The following NOXRED1 variants were observed in gnomAD, a reference collection of about 807,000 sequenced individuals.
NOXRED1 encodes NADP-dependent oxidoreductase domain-containing protein 1.
NOXRED1 carries 20 observed loss-of-function variants against 30.4 expected under a neutral mutation model. The ratio of observed to expected loss-of-function variants is 0.66; its 90% CI spans 0.46 to 0.96. The LOEUF is 0.96. Among genes scored for constraint, NOXRED1 ranks in the 40% least tolerant of loss-of-function variants. NOXRED1 has a pLI of 0.00. For missense variants in NOXRED1, 374 were observed against 428.0 expected (o/e 0.87, Z 1.11); for synonymous variants, 155 against 168.0 (o/e 0.92, Z 0.60).
rs142477258 is a variant in NOXRED1, at chr14:77,422,987, G to A, written c.-98C>T. ...ATGTAGGAGGTGTGTGTATGATGGT[G>A]TGTGTGCCCAGGTCACAAGCACTCA... On this transcript the variant is annotated 5_prime_UTR_variant, in exon 1 of 6. Transcript: ENST00000380835. The A allele has an allele frequency of 0.011, 11,152 of 980,786 alleles. 90 individuals carry two copies. The highest frequency in any genetic ancestry group is 0.034 in the Middle Eastern group (103 of 3,074). 60.8% of individuals were successfully genotyped at this position (980,786 alleles called of 1,614,324 possible). A position where few individuals can be genotyped will look rare whatever the true frequency, so the allele number is the denominator to read the frequency against.
intron 5 of NOXRED1, among the ~76,000 whole-genome samples, chr14:77,395,503 G>C (rs1566704432): frequency 6.6e-6 from 1 of 151,630 alleles, no homozygotes; most frequent in Non-Finnish European, 1.5e-5. Context: ...CTCTTTAGCT[G>C]TATAGATTAA....
chr14:77,404,960 T>G (rs1314705472), intron 5 of NOXRED1, among the ~76,000 whole-genome samples: 1 of 152,234 alleles, frequency 6.6e-6, no homozygotes, highest in Non-Finnish European at 1.5e-5. Context: ...CATATGCTGT[T>G]GGTAGAAATG....
intron 2 of NOXRED1, among the ~76,000 whole-genome samples, chr14:77,409,942 G>A (rs937153962): frequency 3.3e-5 from 5 of 151,632 alleles, no homozygotes; most frequent in African/African-American, 1.2e-4. Flanking sequence ...GCTGGGATTC[G>A]AAGGTATGTG....
chr14:77,424,548 G>A (rs1895076515), upstream of NOXRED1, among the ~76,000 whole-genome samples: 1 of 152,164 alleles, frequency 6.6e-6, no homozygotes, highest in African/African-American at 2.4e-5. Context: ...TCAAACCTAA[G>A]AAACATTTTC....
At position 77,396,863 on chromosome 14, in the gene NOXRED1, G is replaced by A. The variant is rs12101167; in HGVS notation, c.906-2058C>T. Among the ~76,000 whole-genome samples, 764 of 152,246 alleles carry A rather than the reference G, an allele frequency of 5.0e-3. 7 individuals are homozygous for A. Among genetic ancestry groups the A allele is most frequent in the African/African-American group, 0.017 (726 of 41,524 alleles). ...TTAAGATGTCAGTTTTCCAAAAATT[G>A]ATCTATAGATGTAATCACAAAATAA... On this transcript the variant is annotated intron_variant, in intron 5 of 5. Coordinates refer to ENST00000380835, the MANE Select transcript of NOXRED1 (RefSeq NM_001113475.3).
chr14:77,408,016 C>T (rs1407898385), intron 2 of NOXRED1, among the ~76,000 whole-genome samples: 2 of 151,880 alleles, frequency 1.3e-5, no homozygotes, highest in Admixed American at 6.6e-5. Context: ...TACAGGCATG[C>T]GCCACCATGC....
intron 2 of NOXRED1, among the ~76,000 whole-genome samples, chr14:77,408,166 C>A (rs1202272616): frequency 1.3e-5 from 2 of 152,166 alleles, no homozygotes; most frequent in Admixed American, 1.3e-4. Context: ...CCACGCCTGG[C>A]CTATAATTCA....
chr14:77,408,197 CAA>C (rs1480325135), intron 2 of NOXRED1, among the ~76,000 whole-genome samples: 2 of 151,958 alleles, frequency 1.3e-5, no homozygotes, highest in Non-Finnish European at 2.9e-5. Context: ...ACTTTTAGAT[CAA>C]GTGCTGGAAT....
intron 2 of NOXRED1, among the ~76,000 whole-genome samples, chr14:77,411,532 T>C (rs534296886): frequency 1.3e-4 from 20 of 150,228 alleles, no homozygotes; most frequent in African/African-American, 3.4e-4. Context: ...GTGAAAGAAG[T>C]TAGACTAAAA....
intron 4 of NOXRED1, 86 bp downstream of exon 4, chr14:77,406,614 CACACACACACACACACACACAGAG>C: frequency 3.2e-6 from 3 of 951,294 alleles, no homozygotes; most frequent in African/African-American, 1.8e-5. Context: ...CACACACACA[CACACACACACACACACACACAGAG>C]AGAGAGAGAT....
chr14:77,406,618 CACACACACACACACACAGAGAG>C (rs1566708603), intron 4 of NOXRED1, 84 bp downstream of exon 4: 2 of 965,054 alleles, frequency 2.1e-6, no homozygotes, highest in African/African-American at 4.0e-5. Context: ...CACACACACA[CACACACACACACACACAGAGAG>C]AGAGAGATTG....
intron 1 of NOXRED1, among the ~76,000 whole-genome samples, 174 bp downstream of exon 1, chr14:77,422,561 C>T (rs1895023188): frequency 1.3e-5 from 2 of 152,178 alleles, no homozygotes; most frequent in Admixed American, 1.3e-4. Context: ...CCAGGGGACC[C>T]TGGTATAGAT....
chr14:77,406,633 A>C, intron 4 of NOXRED1, 91 bp downstream of exon 4: 1 of 537,688 alleles, frequency 1.9e-6, no homozygotes, highest in Non-Finnish European at 2.8e-6. Flanking sequence ...ACACACACAC[A>C]CAGAGAGAGA....
chr14:77,402,426 G>A (rs1261577253), intron 5 of NOXRED1, among the ~76,000 whole-genome samples: 2 of 152,194 alleles, frequency 1.3e-5, no homozygotes, highest in African/African-American at 4.8e-5. Context: ...GGGAGTTCAA[G>A]ACCAGCCTGA....
At chr14:77,425,458 T>C (rs2139711646), upstream of NOXRED1, among the ~76,000 whole-genome samples, 1 of 152,352 alleles carries the variant, frequency 6.6e-6, no homozygotes, top group Non-Finnish European at 1.5e-5. Flanking sequence ...ACCAATATAC[T>C]AGTTAATAAA....
In NOXRED1 at chr14:77,423,510, TC is replaced by T. The variant is rs1489123220; in HGVS notation, c.-622del. On this transcript the variant is annotated 5_prime_UTR_variant, in exon 1 of 6. Transcript: ENST00000380835. The stretch of plus-strand genomic sequence containing the variant: ...TGGCTCTGCTCCTCAGTACTTCTGA[TC>T]CTGGAAGGTAAGAACTACATTTCTA... 1.4e-5 allele frequency: 2 copies of T among 147,760 alleles called. No individual in the cohort carries two copies. The highest frequency in any genetic ancestry group is 3.0e-5 in the Non-Finnish European group (2 of 67,196). 9.2% of individuals were successfully genotyped at this position (147,760 alleles called of 1,614,324 possible). A position where few individuals can be genotyped will look rare whatever the true frequency, so the allele number is the denominator to read the frequency against.
intron 1 of NOXRED1, among the ~76,000 whole-genome samples, chr14:77,415,332 G>C (rs1310559579): frequency 6.6e-6 from 1 of 152,172 alleles, no homozygotes; most frequent in Non-Finnish European, 1.5e-5. Context: ...CACTTTGGGA[G>C]GCCAAGGCGT....
intron 1 of NOXRED1, among the ~76,000 whole-genome samples, chr14:77,417,140 CAAAAAA>C (rs879495583): frequency 9.6e-6 from 1 of 104,030 alleles, no homozygotes. Context: ...CTATTATGGT[CAAAAAA>C]AAAAAAAAAA....
chr14:77,424,292 G>C (rs1351536409), upstream of NOXRED1, among the ~76,000 whole-genome samples: 4 of 152,068 alleles, frequency 2.6e-5, no homozygotes, highest in African/African-American at 9.7e-5. Flanking sequence ...CTACTAAAAA[G>C]CTGGGCATGG....
Sources: allele counts gnomAD v4.1 joint callset (sites outside exome capture counted in the v4.1 genomes callset), GRCh38; gene constraint gnomAD v4.1.1; transcripts MANE v1.5; gene names NCBI Gene and HGNC (gene_info 2026-07-23, HGNC 2026-07-21).